Variants in ZCWPW2 observed in about 807,000 individuals in gnomAD.
ZCWPW2 encodes the protein zinc finger CW-type and PWWP domain containing 2, also known as zinc finger CW-type PWWP domain protein 2.
In ZCWPW2, 45 loss-of-function variants were observed where a neutral mutation model predicts 46.6. That is an observed-to-expected ratio of 0.96 (90% CI 0.76 to 1.24). The LOEUF (loss-of-function observed/expected upper bound fraction) is 1.24. ZCWPW2 is among the 50% of genes most tolerant of loss of function. The pLI is 0.00. For missense variants in ZCWPW2, 429 were observed against 403.9 expected (o/e 1.06, Z -0.53); for synonymous variants, 152 against 137.1 (o/e 1.11, Z -0.76).
intron 2 of ZCWPW2, among the ~76,000 whole-genome samples, chr3:28,412,744 T>C (rs903387326): frequency 1.3e-5 from 2 of 152,118 alleles, no homozygotes; most frequent in South Asian, 4.1e-4. Flanking sequence ...ATGTACTTGA[T>C]GTATACCAGA....
rs758698454 is a variant in ZCWPW2, at chr3:28,521,031, A to G, written c.824A>G (p.Gln275Arg). The change falls in exon 9 of 10, where the codon CAA (glutamine) becomes CGA (arginine). Residue 275 changes from glutamine to arginine, a missense_variant. Transcript: ENST00000383768. Reference protein sequence around the residue: ...ETEVLLKELEQMLQQALQPTA... With the variant: ...ETEVLLKELERMLQQALQPTA... ...GAAGTTTTACTAAAAGAGCTGGAGC[A>G]AATGCTGCAGCAAGCACTGCAACCC... is the stretch of plus-strand genomic sequence containing the variant. The G allele has an allele frequency of 1.2e-6, 2 of 1,613,552 alleles. No homozygotes were observed. The highest frequency in any genetic ancestry group is 1.3e-5 in the African/African-American group (1 of 75,004).
intron 3 of ZCWPW2, among the ~76,000 whole-genome samples, chr3:28,424,791 A>G (rs1208663733): frequency 1.3e-5 from 2 of 152,192 alleles, no homozygotes; most frequent in Non-Finnish European, 2.9e-5. Flanking sequence ...AAATGTGATA[A>G]TGTTGTTTAA....
At chr3:28,509,303 T>C (rs1700363113) in intron 6 of ZCWPW2, among the ~76,000 whole-genome samples, 1 of 152,208 alleles carries the variant, frequency 6.6e-6, no homozygotes, top group African/African-American at 2.4e-5. Context: ...GTACTGGTTC[T>C]TGTATGGGAA....
At chr3:28,373,255 T>G (rs1212381242) in intron 1 of ZCWPW2, among the ~76,000 whole-genome samples, 1 of 152,226 alleles carries the variant, frequency 6.6e-6, no homozygotes, top group African/African-American at 2.4e-5. Context: ...GCAGCTATAC[T>G]AATTCACATT....
chr3:28,424,228 AACACACACACACAC>A (rs55725925), intron 3 of ZCWPW2, among the ~76,000 whole-genome samples: 51 of 138,960 alleles, frequency 3.7e-4, no homozygotes, highest in African/African-American at 8.4e-4. Flanking sequence ...GTCTTATTCC[AACACACACACACAC>A]ACACACACAC....
intron 1 of ZCWPW2, among the ~76,000 whole-genome samples, chr3:28,378,387 C>G (rs1164053700): frequency 2.6e-5 from 4 of 151,882 alleles, no homozygotes; most frequent in Non-Finnish European, 4.4e-5. Flanking sequence ...ATTTTCTTAT[C>G]TAACTAGAAA....
chr3:28,455,378 A>G (rs933871348), intron 4 of ZCWPW2, among the ~76,000 whole-genome samples: 1 of 152,250 alleles, frequency 6.6e-6, no homozygotes, highest in South Asian at 2.1e-4. Flanking sequence ...TAGATGGTGG[A>G]TATTAGACTT....
At chr3:28,371,413 C>A (rs1705330416) in intron 1 of ZCWPW2, among the ~76,000 whole-genome samples, 1 of 152,062 alleles carries the variant, frequency 6.6e-6, no homozygotes. Flanking sequence ...GAGGAGAAAT[C>A]AAGTGTAGGG....
At chr3:28,375,060 C>T (rs1705458047) in intron 1 of ZCWPW2, among the ~76,000 whole-genome samples, 1 of 151,730 alleles carries the variant, frequency 6.6e-6, no homozygotes, top group Non-Finnish European at 1.5e-5. Context: ...TTGCTGAATT[C>T]ACGCCTTTAT....
At chr3:28,412,311 A>G (rs542723085) in intron 2 of ZCWPW2, among the ~76,000 whole-genome samples, 2 of 151,940 alleles carry the variant, frequency 1.3e-5, no homozygotes, top group African/African-American at 4.8e-5. Flanking sequence ...AATTTTTCTA[A>G]CAAAAAAGCT....
intron 1 of ZCWPW2, among the ~76,000 whole-genome samples, chr3:28,388,652 TCATAATAAAA>T (rs1011707578): frequency 2.0e-5 from 3 of 152,020 alleles, no homozygotes; most frequent in Non-Finnish European, 4.4e-5. Flanking sequence ...TCACATATAT[TCATAATAAAA>T]TAAGGAAGAA....
chr3:28,518,236 A>T (rs1480856243), intron 8 of ZCWPW2, among the ~76,000 whole-genome samples: 1 of 147,654 alleles, frequency 6.8e-6, no homozygotes, highest in African/African-American at 2.5e-5. Context: ...TCTCTGAGTA[A>T]TGGAGTGGCC....
At chr3:28,499,009 G>A (rs1294294842) in intron 6 of ZCWPW2, among the ~76,000 whole-genome samples, 1 of 152,108 alleles carries the variant, frequency 6.6e-6, no homozygotes, top group African/African-American at 2.4e-5. Context: ...AGTATTCCAT[G>A]GTGTATATGT....
At chr3:28,490,259 G>A (rs927430565) in intron 5 of ZCWPW2, among the ~76,000 whole-genome samples, 3 of 152,100 alleles carry the variant, frequency 2.0e-5, no homozygotes, top group African/African-American at 4.8e-5. Flanking sequence ...AAGCAGTTTG[G>A]CAATTTTTCA....
At chr3:28,490,008 G>A (rs1241824156) in intron 5 of ZCWPW2, among the ~76,000 whole-genome samples, 2 of 152,030 alleles carry the variant, frequency 1.3e-5, no homozygotes, top group Non-Finnish European at 2.9e-5. Flanking sequence ...AGTGGGAAAA[G>A]GACATGAACA....
At chr3:28,397,398 G>A (rs1329481812) in intron 2 of ZCWPW2, among the ~76,000 whole-genome samples, 4 of 152,036 alleles carry the variant, frequency 2.6e-5, no homozygotes, top group African/African-American at 9.7e-5. Context: ...GGCTGGGCGC[G>A]GTGGCTCATG....
At chr3:28,452,837 G>A (rs1357530603) in intron 4 of ZCWPW2, among the ~76,000 whole-genome samples, 2 of 152,110 alleles carry the variant, frequency 1.3e-5, no homozygotes, top group Non-Finnish European at 1.5e-5. Flanking sequence ...GAACAATAAG[G>A]TGGAGAATAG....
rs545956367 is a variant in ZCWPW2 at position 28,488,516 on chromosome 3, C to T, written c.611-3611C>T. Among the ~76,000 whole-genome samples, 26 of 152,090 alleles carry T rather than the reference C, an allele frequency of 1.7e-4. No homozygotes were observed. The South Asian group carries it at 4.2e-3, about 24-fold the overall frequency. On this transcript the variant is annotated intron_variant, in intron 5 of 9. Coordinates refer to ENST00000383768, the MANE Select transcript of ZCWPW2 (RefSeq NM_001040432.4). ...AACAAAAACTGACAATTTTTTGAGT[C>T]CATGAATACACAAGGTTTAAAAAAA... is the stretch of plus-strand genomic sequence containing the variant.
intron 3 of ZCWPW2, among the ~76,000 whole-genome samples, chr3:28,417,634 G>T (rs568462506): frequency 7.2e-6 from 1 of 138,024 alleles, no homozygotes; most frequent in African/African-American, 2.8e-5. Context: ...CTGGCAAACC[G>T]AATCCAGCAG....
Sources: gnomAD v4.1 joint callset for allele counts (sites outside exome capture counted in the v4.1 genomes callset) on GRCh38, gnomAD v4.1.1 for gene constraint, MANE v1.5 for transcripts, NCBI Gene and HGNC (gene_info 2026-07-23, HGNC 2026-07-21) for gene names.